Variants in PTGES3 observed in about 807,000 individuals in gnomAD.
The protein encoded by PTGES3 is Hsp90 co-chaperone.
A neutral mutation model predicts 29.9 loss-of-function variants in PTGES3; 5 were observed. The ratio of observed to expected loss-of-function variants is 0.17; its 90% CI spans 0.09 to 0.35. PTGES3 has a LOEUF of 0.35. PTGES3 is among the 10% of genes least tolerant of loss of function. The probability of loss-of-function intolerance (pLI) is 1.00; values close to 1 mark genes in which losing one functional copy is unlikely to be tolerated. For missense variants in PTGES3, 128 were observed against 190.0 expected (o/e 0.67, Z 1.92); for synonymous variants, 49 against 57.8 (o/e 0.85, Z 0.69).
At position 56,688,151 on chromosome 12, in the gene PTGES3, G is replaced by T; in HGVS notation, c.-152C>A. On this transcript the variant is annotated 5_prime_UTR_variant, in exon 1 of 8. Transcript: ENST00000262033. Reference sequence around the variant, plus strand: ...TCCCTCAGGCGACGGCGGCAGCGGCGGGCTCGACCTCGGGCCCCAGAATGC... The same window carrying T: ...TCCCTCAGGCGACGGCGGCAGCGGCTGGCTCGACCTCGGGCCCCAGAATGC... 2.9e-6 allele frequency: 4 copies of T among 1,356,054 alleles called. No homozygotes were observed. The highest frequency in any genetic ancestry group is 3.8e-6 in the Non-Finnish European group (4 of 1,046,482). 84.0% of individuals were successfully genotyped at this position (1,356,054 alleles called of 1,614,324 possible).
In PTGES3 at chr12:56,672,947, C is replaced by T. The variant is rs955225333; in HGVS notation, c.116+5G>A. The T allele has an allele frequency of 6.3e-7, 1 of 1,594,606 alleles. No homozygotes were observed. The highest frequency in any genetic ancestry group is 1.3e-5 in the African/African-American group (1 of 74,096). On this transcript the variant is annotated splice_donor_5th_base_variant and intron_variant, in intron 2 of 7. Transcript: ENST00000262033. The stretch of plus-strand genomic sequence containing the variant: ...TTACATCATTGGATAAAAAGCTTAA[C>T]TTACCTGAATGTAAGTTTGGATTTT...
intron 4 of PTGES3, among the ~76,000 whole-genome samples, chr12:56,670,973 G>A (rs1053716345): frequency 6.6e-6 from 1 of 152,150 alleles, no homozygotes; most frequent in Admixed American, 6.6e-5. Flanking sequence ...CCTGGGCGTG[G>A]TGGCACATTC....
Position 56,688,018 on chromosome 12 carries a change from A to G in PTGES3, c.-19T>C. On this transcript the variant is annotated 5_prime_UTR_variant, in exon 1 of 8. Transcript: ENST00000262033. ...CTCACATTGTGAACGGGGCAGGGGG[A>G]CGGGCGAACTGGTGGGCGGGCCTCT... The G allele has an allele frequency of 2.6e-6, 4 of 1,531,404 alleles. No individual in the cohort carries two copies. The highest frequency in any genetic ancestry group is 3.5e-6 in the Non-Finnish European group (4 of 1,137,936). 94.9% of individuals were successfully genotyped at this position (1,531,404 alleles called of 1,614,324 possible).
chr12:56,666,046 C>G lies in PTGES3; in HGVS notation c.438+158G>C, dbSNP rs567963550. On this transcript the variant is annotated intron_variant, in intron 6 of 7. Coordinates refer to ENST00000262033, the MANE Select transcript of PTGES3 (RefSeq NM_006601.7). ...CAGTTCCCTAATAGATACCCCCATT[C>G]GTCAAAAATGGGCACATTTTAAAAA... is the stretch of plus-strand genomic sequence containing the variant. 66 of 1,390,890 alleles carry G rather than the reference C, an allele frequency of 4.7e-5. No individual in the cohort carries two copies. In the South Asian group the frequency reaches 9.0e-4, roughly 19 times the overall value. 86.2% of individuals were successfully genotyped at this position (1,390,890 alleles called of 1,614,324 possible).
chr12:56,669,618 T>C (rs554401255), intron 5 of PTGES3, among the ~76,000 whole-genome samples: 3 of 151,718 alleles, frequency 2.0e-5, no homozygotes, highest in East Asian at 3.9e-4. Context: ...TCGTTCTGCA[T>C]TTATTTATTT....
At chr12:56,667,938 T>C (rs1316367542) in intron 5 of PTGES3, among the ~76,000 whole-genome samples, 1 of 152,122 alleles carries the variant, frequency 6.6e-6, no homozygotes, top group African/African-American at 2.4e-5. Context: ...TGAAACCCTG[T>C]CTCCACTAAA....
intron 1 of PTGES3, among the ~76,000 whole-genome samples, chr12:56,675,833 G>C (rs1372292873): frequency 6.6e-6 from 1 of 152,076 alleles, no homozygotes; most frequent in Non-Finnish European, 1.5e-5. Context: ...TGCAGCAGGA[G>C]AATCGCTTGA....
At chr12:56,680,563 T>C (rs1418771542) in intron 1 of PTGES3, among the ~76,000 whole-genome samples, 2 of 151,982 alleles carry the variant, frequency 1.3e-5, no homozygotes, top group African/African-American at 4.8e-5. Flanking sequence ...TTTTTTTAAG[T>C]AGAGATGGGG....
At chr12:56,671,134 C>T (rs1951987428) in intron 4 of PTGES3, among the ~76,000 whole-genome samples, 1 of 152,096 alleles carries the variant, frequency 6.6e-6, no homozygotes, top group Non-Finnish European at 1.5e-5. Context: ...TGTCGTGGCT[C>T]ATGCCTGTAG....
intron 4 of PTGES3, chr12:56,670,642 C>T: frequency 3.4e-6 from 1 of 291,530 alleles, no homozygotes. Flanking sequence ...AGCGTGGTTA[C>T]CTGACATATG....
At chr12:56,674,753 G>A (rs1274498728) in intron 1 of PTGES3, among the ~76,000 whole-genome samples, 3 of 145,378 alleles carry the variant, frequency 2.1e-5, no homozygotes, top group African/African-American at 7.7e-5. Flanking sequence ...ATGAACCCAG[G>A]AGGCGGAGCT....
At chr12:56,685,087 G>C (rs1488221377) in intron 1 of PTGES3, among the ~76,000 whole-genome samples, 1 of 144,690 alleles carries the variant, frequency 6.9e-6, no homozygotes, top group Non-Finnish European at 1.5e-5. Flanking sequence ...CTGGGTGACA[G>C]AGGAAGACCC....
Position 56,665,178 on chromosome 12 carries a change from T to A in PTGES3, c.439-378A>T, listed in dbSNP as rs908640698. The A allele has an allele frequency of 8.3e-5, 82 of 985,128 alleles. No homozygotes were observed. The African/African-American group carries it at 1.3e-3, about 15-fold the overall frequency. 61.0% of individuals were successfully genotyped at this position (985,128 alleles called of 1,614,324 possible). A position where few individuals can be genotyped will look rare whatever the true frequency, so the allele number is the denominator to read the frequency against. ...AGTGAATATTAAGTGTTTTTCTAAA[T>A]AGCATTAAATAACTTTCTGGGAGAT... On this transcript the variant is annotated intron_variant, in intron 6 of 7. Coordinates refer to ENST00000262033, the MANE Select transcript of PTGES3 (RefSeq NM_006601.7).
chr12:56,670,565 T>TAA (rs1193247164), intron 4 of PTGES3: 2 of 531,258 alleles, frequency 3.8e-6, no homozygotes, highest in Non-Finnish European at 6.8e-6. Context: ...CCAAGGGTCT[T>TAA]GTTTACCCTC....
intron 1 of PTGES3, among the ~76,000 whole-genome samples, chr12:56,682,882 T>C (rs146612261): frequency 7.9e-5 from 12 of 152,100 alleles, no homozygotes; most frequent in African/African-American, 2.9e-4. Context: ...TAGTCCCAGC[T>C]ACTTGGGAGT....
intron 6 of PTGES3, chr12:56,665,499 T>C: frequency 7.2e-6 from 7 of 972,350 alleles, no homozygotes; most frequent in Non-Finnish European, 8.6e-6. Context: ...TTCGCCATCT[T>C]GGCCAGGCTG....
chr12:56,664,741 A>AG, intron 7 of PTGES3, 35 bp downstream of exon 7: 1 of 1,570,346 alleles, frequency 6.4e-7, no homozygotes, highest in Non-Finnish European at 8.7e-7. Context: ...GATGCAAAGT[A>AG]TCACTGTATA....
chr12:56,666,275 A>C lies in PTGES3; in HGVS notation c.376-9T>G, dbSNP rs754851562. 2.5e-6 allele frequency: 4 copies of C among 1,601,790 alleles called. No homozygotes were observed. In the East Asian group the frequency reaches 6.7e-5, roughly 27 times the overall value. ...CCCATGTTGTTCATCATCTATTTGA[A>C]GTGTAAAAATTAGTTTTAAAAATGA... On this transcript the variant is annotated splice_polypyrimidine_tract_variant and intron_variant, in intron 5 of 7. Transcript: ENST00000262033.
chr12:56,680,084 T>C (rs1401908933), intron 1 of PTGES3, among the ~76,000 whole-genome samples: 1 of 151,558 alleles, frequency 6.6e-6, no homozygotes, highest in Non-Finnish European at 1.5e-5. Flanking sequence ...TTTGGTTTTT[T>C]TTTTTTTTTG....
Sources: gnomAD v4.1 joint callset for allele counts (sites outside exome capture counted in the v4.1 genomes callset) on GRCh38, gnomAD v4.1.1 for gene constraint, MANE v1.5 for transcripts, NCBI Gene and HGNC (gene_info 2026-07-23, HGNC 2026-07-21) for gene names.